GRIP1: variants seen among roughly 807,000 people sequenced by gnomAD.
GRIP1 encodes glutamate receptor interacting protein 1, also known as glutamate receptor-interacting protein 1.
In GRIP1, 45 loss-of-function variants were observed where a neutral mutation model predicts 129.9. That is an observed-to-expected ratio of 0.35 (90% CI 0.27 to 0.44). The LOEUF (loss-of-function observed/expected upper bound fraction) is 0.44, where lower values mean the gene tolerates loss of function less well. GRIP1 is among the 20% of genes least tolerant of loss of function. GRIP1 has a pLI of 1.00. For missense variants in GRIP1, 1,196 were observed against 1,396.8 expected (o/e 0.86, Z 2.29); for synonymous variants, 530 against 520.8 (o/e 1.02, Z -0.24).
chr12:66,870,555 A>G (rs763966041), intron 1 of GRIP1, among the ~76,000 whole-genome samples: 6 of 152,134 alleles, frequency 3.9e-5, no homozygotes, highest in Admixed American at 2.0e-4. Context: ...TGTATTCTTT[A>G]GTTCTAGTTT....
chr12:66,588,928 C>T (rs1283534328), intron 2 of GRIP1, among the ~76,000 whole-genome samples: 1 of 151,212 alleles, frequency 6.6e-6, no homozygotes, highest in East Asian at 1.9e-4. Context: ...GAGATTGCAA[C>T]ATTGCACTCC....
chr12:66,776,950 A>G (rs527508941), intron 1 of GRIP1, among the ~76,000 whole-genome samples: 2 of 152,314 alleles, frequency 1.3e-5, no homozygotes, highest in East Asian at 1.9e-4. Context: ...TGCACATAAG[A>G]TCACACACAT....
At chr12:66,646,578 A>T (rs561949992) in intron 1 of GRIP1, among the ~76,000 whole-genome samples, 2 of 152,238 alleles carry the variant, frequency 1.3e-5, no homozygotes, top group Non-Finnish European at 2.9e-5. Flanking sequence ...GTGACCACAT[A>T]AGAGAGGTAC....
At chr12:66,416,600 C>A (rs2057612591) in intron 15 of GRIP1, among the ~76,000 whole-genome samples, 1 of 152,036 alleles carries the variant, frequency 6.6e-6, no homozygotes, top group African/African-American at 2.4e-5. Context: ...CACAGAAATT[C>A]AAAGGATCAT....
At chr12:66,373,330 C>A (rs763020343) in intron 22 of GRIP1, among the ~76,000 whole-genome samples, 1 of 152,112 alleles carries the variant, frequency 6.6e-6, no homozygotes, top group Non-Finnish European at 1.5e-5. Context: ...CTCAAGTGAC[C>A]CACCCCACTT....
intron 1 of GRIP1, among the ~76,000 whole-genome samples, chr12:66,613,284 A>AG (rs1279209925): frequency 1.1e-4 from 17 of 152,092 alleles, no homozygotes; most frequent in Non-Finnish European, 2.4e-4. Flanking sequence ...AGTTAGAATG[A>AG]GGGGGAAGAT....
chr12:66,937,439 A>G (rs1000289164), intron 1 of GRIP1, among the ~76,000 whole-genome samples: 1 of 152,218 alleles, frequency 6.6e-6, no homozygotes, highest in African/African-American at 2.4e-5. Context: ...CATAACAAAT[A>G]AATAGCTGAT....
Position 66,377,043 on chromosome 12 carries a change from C to A in GRIP1, c.2752G>T (p.Val918Leu). Residue 918 changes from valine to leucine, a missense_variant, in exon 22 of 25, where the codon GTG becomes TTG. By Grantham distance (32) the Val-to-Leu change is conservative (BLOSUM62 1). Around this residue, in one of 5 missense-constraint regions of GRIP1, gnomAD observed 427 missense variants for 463.3 expected, o/e 0.92. Transcript: ENST00000359742. Reference protein sequence around the residue: ...RELEEKADRRVSLRNMTLLAT... With the variant: ...RELEEKADRRLSLRNMTLLAT... ...AAGAGAGTCATGTTTCTCAAAGACACACGCCTGTCAGCTTTCTCCTGTGGA... is the reference window on the plus strand; with the variant it reads ...AAGAGAGTCATGTTTCTCAAAGACAAACGCCTGTCAGCTTTCTCCTGTGGA... 1 of 1,612,766 alleles carries A rather than the reference C, an allele frequency of 6.2e-7. No homozygotes were observed. The highest frequency in any genetic ancestry group is 8.5e-7 in the Non-Finnish European group (1 of 1,178,754).
At chr12:67,043,606 A>G (rs1479281711) in intron 1 of GRIP1, among the ~76,000 whole-genome samples, 3 of 152,064 alleles carry the variant, frequency 2.0e-5, no homozygotes, top group African/African-American at 7.2e-5. Context: ...CTTTTCTTCT[A>G]CGCCCCCCAT....
At chr12:66,933,848 A>C (rs987218655) in intron 1 of GRIP1, among the ~76,000 whole-genome samples, 1 of 152,210 alleles carries the variant, frequency 6.6e-6, no homozygotes, top group Non-Finnish European at 1.5e-5. Flanking sequence ...TATAGTCCAG[A>C]TCTAAGTATT....
At chr12:66,542,770 C>A (rs2061826506) in intron 2 of GRIP1, among the ~76,000 whole-genome samples, 1 of 152,152 alleles carries the variant, frequency 6.6e-6, no homozygotes, top group African/African-American at 2.4e-5. Flanking sequence ...AGGATAAATG[C>A]TGTTTTAAAA....
At chr12:66,572,191 TA>T (rs2062985751) in intron 2 of GRIP1, among the ~76,000 whole-genome samples, 1 of 152,030 alleles carries the variant, frequency 6.6e-6, no homozygotes, top group Non-Finnish European at 1.5e-5. Context: ...ATCAAACAGG[TA>T]AAAACCCTTG....
At chr12:66,467,037 C>T (rs149363195) in intron 7 of GRIP1, among the ~76,000 whole-genome samples, 442 of 152,292 alleles carry the variant, frequency 2.9e-3, no homozygotes, top group Non-Finnish European at 4.8e-3. Context: ...CAACAACATG[C>T]ATATCCAGTG....
At chr12:66,877,529 A>G (rs1327947308) in intron 1 of GRIP1, among the ~76,000 whole-genome samples, 2 of 152,140 alleles carry the variant, frequency 1.3e-5, no homozygotes, top group African/African-American at 4.8e-5. Context: ...AGCCATAATC[A>G]GTGATCTTTC....
At chr12:66,694,285 G>C (rs2035077725) in intron 1 of GRIP1, among the ~76,000 whole-genome samples, 1 of 152,182 alleles carries the variant, frequency 6.6e-6, no homozygotes, top group Admixed American at 6.6e-5. Context: ...AGGCAGCAGA[G>C]AGTGGCCATT....
intron 1 of GRIP1, among the ~76,000 whole-genome samples, chr12:66,732,001 C>T (rs2036452377): frequency 6.6e-6 from 1 of 152,162 alleles, no homozygotes; most frequent in South Asian, 2.1e-4. Context: ...GAAATTCATT[C>T]TTCTAAGTTG....
At chr12:66,446,762 A>T (rs2058642485) in intron 11 of GRIP1, among the ~76,000 whole-genome samples, 1 of 151,752 alleles carries the variant, frequency 6.6e-6, no homozygotes. Flanking sequence ...TGCTTCTTCA[A>T]CTCTCTTCAT....
At chr12:66,536,075 T>A (rs919920526) in intron 4 of GRIP1, among the ~76,000 whole-genome samples, 1 of 152,154 alleles carries the variant, frequency 6.6e-6, no homozygotes, top group African/African-American at 2.4e-5. Context: ...TAACTTTGAC[T>A]CCTCTTTTTC....
chr12:66,817,243 CATAT>C (rs1370049722), intron 1 of GRIP1, among the ~76,000 whole-genome samples: 3 of 132,200 alleles, frequency 2.3e-5, no homozygotes, highest in Non-Finnish European at 5.2e-5. Flanking sequence ...CACACACACA[CATAT>C]ATATTTCCCA....
Sources: gnomAD v4.1 joint callset for allele counts (sites outside exome capture counted in the v4.1 genomes callset) on GRCh38, gnomAD v4.1.1 for gene constraint, gnomAD v4.1.1 regional missense constraint, MANE v1.5 for transcripts, NCBI Gene and HGNC (gene_info 2026-07-23, HGNC 2026-07-21) for gene names.